The following SLCO1B3 variants were observed in gnomAD, a reference collection of about 807,000 sequenced individuals.
SLCO1B3 encodes the protein solute carrier organic anion transporter family member 1B3, also known as liver-specific organic anion transporter 2.
In SLCO1B3, 72 loss-of-function variants were observed where a neutral mutation model predicts 71.8. That is an observed-to-expected ratio of 1.00 (90% CI 0.83 to 1.22). The LOEUF (loss-of-function observed/expected upper bound fraction) is 1.22. SLCO1B3 is among the 50% of genes most tolerant of loss of function. The pLI is 0.00. For missense variants in SLCO1B3, 911 were observed against 819.7 expected (o/e 1.11, Z -1.36); for synonymous variants, 298 against 278.4 (o/e 1.07, Z -0.70).
chr12:20,875,099 A>T, intron 8 of SLCO1B3, 136 bp from the exon 9 acceptor site: 1 of 1,109,168 alleles, frequency 9.0e-7, no homozygotes, highest in Non-Finnish European at 1.3e-6. Flanking sequence ...AGAAGAAAAT[A>T]GTGTTTTAGA....
chr12:20,821,447 A>G (rs1161345473), intron 3 of SLCO1B3, among the ~76,000 whole-genome samples: 4 of 152,110 alleles, frequency 2.6e-5, no homozygotes, highest in African/African-American at 9.7e-5. Context: ...GGAGGAATGG[A>G]AGGTGGAAGC....
intron 9 of SLCO1B3, among the ~76,000 whole-genome samples, chr12:20,876,082 A>C (rs1865572628): frequency 8.5e-6 from 1 of 117,384 alleles, no homozygotes; most frequent in South Asian, 3.8e-4. Flanking sequence ...TAATTTTTAT[A>C]TATGAATTAA....
chr12:20,892,349 A>T (rs1192496223), intron 13 of SLCO1B3, among the ~76,000 whole-genome samples: 1 of 152,188 alleles, frequency 6.6e-6, no homozygotes, highest in Non-Finnish European at 1.5e-5. Context: ...TTTCAGGAGT[A>T]GTGCTACAAA....
At chr12:20,898,560 G>C in intron 14 of SLCO1B3, 60 bp downstream of exon 14, 2 of 740,768 alleles carry the variant, frequency 2.7e-6, no homozygotes, top group Non-Finnish European at 4.4e-6. Flanking sequence ...AAATACTAAA[G>C]ACTGAATGCA....
At chr12:20,876,236 A>G (rs950025167) in intron 9 of SLCO1B3, among the ~76,000 whole-genome samples, 1 of 152,126 alleles carries the variant, frequency 6.6e-6, no homozygotes, top group Non-Finnish European at 1.5e-5. Flanking sequence ...AATATAAGCC[A>G]AATGGGCTAA....
At position 20,893,590 on chromosome 12, in the gene SLCO1B3, T is replaced by C. The variant is rs1865945643; in HGVS notation, c.1683-4846T>C. On this transcript the variant is annotated intron_variant, in intron 13 of 15. Transcript: ENST00000381545. ...AAGGAAAAAGCCTACAGGAGAGAGT[T>C]ACATGGAGTGTCATTGGGAGTAAGC... 4.6e-5 allele frequency among the ~76,000 whole-genome samples: 7 copies of C among 152,262 alleles called. No homozygotes were observed. The South Asian group carries it at 1.5e-3, about 32-fold the overall frequency.
chr12:20,871,050 G>T (rs537169617), intron 8 of SLCO1B3, among the ~76,000 whole-genome samples: 1 of 152,284 alleles, frequency 6.6e-6, no homozygotes, highest in East Asian at 1.9e-4. Context: ...TGGTCATGAT[G>T]AAGGATCATT....
intron 3 of SLCO1B3, among the ~76,000 whole-genome samples, chr12:20,824,707 G>A (rs1401326958): frequency 6.6e-6 from 1 of 152,072 alleles, no homozygotes; most frequent in East Asian, 1.9e-4. Context: ...TCCAAAGAAG[G>A]TTAAATGTCA....
chr12:20,858,774 A>G (rs1591764881), intron 5 of SLCO1B3: 5 of 345,962 alleles, frequency 1.4e-5, no homozygotes, highest in Non-Finnish European at 2.6e-5. Context: ...CATGGCTTTT[A>G]TAAACTTTTA....
At chr12:20,907,884 ATATT>A (rs1866286583) in intron 15 of SLCO1B3, among the ~76,000 whole-genome samples, 1 of 152,166 alleles carries the variant, frequency 6.6e-6, no homozygotes, top group African/African-American at 2.4e-5. Context: ...CTTTAAGAAA[ATATT>A]TATTTTAATT....
chr12:20,860,932 A>C, intron 5 of SLCO1B3, 85 bp from the exon 6 acceptor site: 1 of 1,337,844 alleles, frequency 7.5e-7, no homozygotes, highest in Non-Finnish European at 1.0e-6. Flanking sequence ...GGTTCAAATA[A>C]AGGAGAAAAT....
intron 11 of SLCO1B3, among the ~76,000 whole-genome samples, 183 bp downstream of exon 11, chr12:20,879,814 C>CT (rs1865655624): frequency 1.3e-5 from 2 of 151,984 alleles, no homozygotes; most frequent in South Asian, 4.2e-4. Context: ...TTATTCCTTC[C>CT]TTAAGGAAAA....
At chr12:20,863,506 T>C (rs1467766397) in intron 8 of SLCO1B3, among the ~76,000 whole-genome samples, 1 of 152,166 alleles carries the variant, frequency 6.6e-6, no homozygotes, top group East Asian at 1.9e-4. Context: ...CCTACAGATA[T>C]ACCTTCACCA....
At chr12:20,895,135 A>G (rs1865979609) in intron 13 of SLCO1B3, among the ~76,000 whole-genome samples, 1 of 152,226 alleles carries the variant, frequency 6.6e-6, no homozygotes, top group African/African-American at 2.4e-5. Flanking sequence ...TTATGTGAGT[A>G]AAATTCAAGA....
In SLCO1B3 at chr12:20,880,877, G is replaced by A. The variant is rs1565600512; in HGVS notation, c.1354G>A (p.Val452Ile). The A allele has an allele frequency of 2.5e-6, 4 of 1,606,398 alleles. No individual in the cohort carries two copies. Among genetic ancestry groups the A allele is most frequent in the Admixed American group, 3.4e-5 (2 of 59,512 alleles). The change falls in exon 12 of 16, where the codon GTA (valine) becomes ATA (isoleucine). Residue 452 changes from valine (V) to isoleucine (I), a missense_variant. Val to Ile is a conservative substitution (Grantham distance 29, BLOSUM62 3). Transcript: ENST00000381545. ...YDGNNSVASHVDVPLSYCNSE... is the reference protein window; with the variant it reads ...YDGNNSVASHIDVPLSYCNSE... ...CAGAAATAATTCAGTGGCATCTCAT[G>A]TAGATGTACCACTTTCTTATTGCAA...
intron 3 of SLCO1B3, among the ~76,000 whole-genome samples, chr12:20,825,598 C>G (rs1483414107): frequency 2.0e-5 from 3 of 151,958 alleles, no homozygotes; most frequent in African/African-American, 7.2e-5. Flanking sequence ...GACTTCAAGA[C>G]CAGCCTGGCC....
intron 13 of SLCO1B3, among the ~76,000 whole-genome samples, chr12:20,894,970 T>G (rs945466373): frequency 2.6e-5 from 4 of 152,172 alleles, no homozygotes; most frequent in Non-Finnish European, 5.9e-5. Context: ...AGTCACATCT[T>G]ACATGGGTGG....
Position 20,880,939 on chromosome 12 carries a change from A to G in SLCO1B3, c.1416A>G (p.Pro472=), listed in dbSNP as rs1300465772. 6.8e-6 allele frequency: 11 copies of G among 1,611,968 alleles called. No homozygotes were observed. Among genetic ancestry groups the G allele is most frequent in the Admixed American group, 1.7e-5 (1 of 59,960 alleles). The change falls in exon 12 of 16, where the codon CCA becomes CCG. Residue 472 remains proline (P), a synonymous_variant. Coordinates refer to ENST00000381545, the MANE Select transcript of SLCO1B3 (RefSeq NM_019844.4). ...ATTGTGATGAAAGTCAGTGGGAACC[A>G]GTCTGTGGGAACAATGGAATAACTT... is the stretch of plus-strand genomic sequence containing the variant. ...ECNCDESQWE[P]VCGNNGITYL...
In SLCO1B3 at chr12:20,861,139, G is replaced by C. The variant is rs748102633; in HGVS notation, c.481+1G>C. 6.3e-7 allele frequency: 1 copy of C among 1,577,322 alleles called. No homozygotes were observed. The highest frequency in any genetic ancestry group is 8.6e-7 in the Non-Finnish European group (1 of 1,163,684). ...ACATCACCTGAGATAGTAGAAAAAG[G>C]TAAGAATTAATAGTGACAGTAAAAC... On this transcript the variant is annotated splice_donor_variant, in intron 6 of 15. Coordinates refer to ENST00000381545, the MANE Select transcript of SLCO1B3 (RefSeq NM_019844.4). LOFTEE classifies it high-confidence loss of function.
Sources: gnomAD v4.1 joint callset for allele counts (sites outside exome capture counted in the v4.1 genomes callset) on GRCh38, gnomAD v4.1.1 for gene constraint, MANE v1.5 for transcripts, NCBI Gene and HGNC (gene_info 2026-07-23, HGNC 2026-07-21) for gene names.